The following DGKG variants were observed in gnomAD, a reference collection of about 807,000 sequenced individuals.
DGKG encodes the protein diacylglycerol kinase gamma.
In DGKG, 78 loss-of-function variants were observed where a neutral mutation model predicts 105.3. That is an observed-to-expected ratio of 0.74 (90% CI 0.62 to 0.89). The LOEUF (loss-of-function observed/expected upper bound fraction) is 0.89. DGKG is among the 40% of genes least tolerant of loss of function. The pLI is 0.00. For synonymous variants in DGKG, 346 were observed against 367.1 expected (o/e 0.94, Z 0.66); for missense variants, 958 against 1,020.1 (o/e 0.94, Z 0.83).
intron 21 of DGKG, among the ~76,000 whole-genome samples, chr3:186,197,085 G>A (rs1357676752): frequency 6.6e-6 from 1 of 152,160 alleles, no homozygotes; most frequent in Non-Finnish European, 1.5e-5. Flanking sequence ...TGAACAGAGT[G>A]CTGGGACATT....
At chr3:186,251,950 C>T (rs1721248293) in intron 18 of DGKG, 31 bp from the exon 19 acceptor site, 3 of 1,520,276 alleles carry the variant, frequency 2.0e-6, no homozygotes, top group Non-Finnish European at 2.6e-6. Flanking sequence ...TTTGCCACCA[C>T]AGCAGAAAGG....
chr3:186,306,171 A>G lies in DGKG; in HGVS notation c.144+730T>C, dbSNP rs547839298. ...AGACTGATGCAAGGCATTTCAAGAA[A>G]GTAGGAAAAAGAGAATTTGGAGGCA... On this transcript the variant is annotated intron_variant, in intron 3 of 24. Coordinates refer to ENST00000265022, the MANE Select transcript of DGKG (RefSeq NM_001346.3). Among the ~76,000 whole-genome samples, 42 of 152,318 alleles carry G rather than the reference A, an allele frequency of 2.8e-4. No individual in the cohort carries two copies. In the South Asian group the frequency reaches 8.7e-3, roughly 32 times the overall value.
chr3:186,312,088 AGTCCG>A (rs762857930), intron 2 of DGKG, among the ~76,000 whole-genome samples: 1,047 of 101,082 alleles, frequency 0.01, 11 homozygotes, highest in Non-Finnish European at 0.014. Context: ...TGCAGTCCGC[AGTCCG>A]GCCTGGGCGA....
At chr3:186,205,029 G>A (rs915110555) in intron 21 of DGKG, among the ~76,000 whole-genome samples, 3 of 152,008 alleles carry the variant, frequency 2.0e-5, no homozygotes, top group Non-Finnish European at 4.4e-5. Flanking sequence ...GGCCAAAGTG[G>A]GCTGATCACT....
chr3:186,217,140 G>T (rs1297117418), intron 20 of DGKG, among the ~76,000 whole-genome samples: 4 of 152,180 alleles, frequency 2.6e-5, no homozygotes, highest in Non-Finnish European at 5.9e-5. Context: ...CAGGGGTAAG[G>T]GTGGGTCTAC....
At chr3:186,319,507 C>T (rs6798888) in intron 2 of DGKG, among the ~76,000 whole-genome samples, 10,322 of 152,204 alleles carry the variant, frequency 0.068, 1,147 homozygotes, top group African/African-American at 0.23. Context: ...TCATGATTTA[C>T]AGAAGCATCA....
At chr3:186,168,110 G>T (rs1716640743) in intron 22 of DGKG, among the ~76,000 whole-genome samples, 1 of 152,202 alleles carries the variant, frequency 6.6e-6, no homozygotes, top group Non-Finnish European at 1.5e-5. Flanking sequence ...CATGTGTGGG[G>T]CTGGAAAGTC....
intron 1 of DGKG, among the ~76,000 whole-genome samples, chr3:186,336,767 G>T (rs1476292788): frequency 6.6e-6 from 1 of 152,086 alleles, no homozygotes; most frequent in Non-Finnish European, 1.5e-5. Context: ...GGAGGAGGGA[G>T]AGGAAGAAGA....
At chr3:186,256,314 C>A (rs568842305) in intron 17 of DGKG, among the ~76,000 whole-genome samples, 1 of 152,188 alleles carries the variant, frequency 6.6e-6, no homozygotes, top group Admixed American at 6.5e-5. Flanking sequence ...CCCGGAGGCA[C>A]GGCTTTCTCT....
chr3:186,297,543 A>G, intron 4 of DGKG, 60 bp from the exon 5 acceptor site: 1 of 1,208,124 alleles, frequency 8.3e-7, no homozygotes, highest in Non-Finnish European at 1.2e-6. Context: ...TTGGAAGGGC[A>G]GGTACAGGAC....
chr3:186,328,496 A>C (rs1725450253), intron 1 of DGKG, among the ~76,000 whole-genome samples: 1 of 152,190 alleles, frequency 6.6e-6, no homozygotes, highest in African/African-American at 2.4e-5. Context: ...ATAACTCAAC[A>C]AATATTCATA....
intron 22 of DGKG, among the ~76,000 whole-genome samples, chr3:186,180,483 T>TCAGGG (rs1489561632): frequency 4.6e-5 from 7 of 152,188 alleles, no homozygotes; most frequent in Non-Finnish European, 1.0e-4. Flanking sequence ...GTCACCTGTC[T>TCAGGG]TGCTCTGTCT....
chr3:186,251,647 G>T (rs932085940), intron 19 of DGKG, 112 bp downstream of exon 19: 44 of 1,257,284 alleles, frequency 3.5e-5, no homozygotes, highest in Non-Finnish European at 4.6e-5. Flanking sequence ...CTCAGGGCTG[G>T]GGGGGCAGGT....
In DGKG at chr3:186,257,834, C is replaced by T. The variant is rs1243581738; in HGVS notation, c.1510+20G>A. 4 of 1,595,526 alleles carry T rather than the reference C, an allele frequency of 2.5e-6. No individual in the cohort carries two copies. Among genetic ancestry groups the T allele is most frequent in the Non-Finnish European group, 3.4e-6 (4 of 1,163,340 alleles). On this transcript the variant is annotated intron_variant, in intron 17 of 24. Coordinates refer to ENST00000265022, the MANE Select transcript of DGKG (RefSeq NM_001346.3). ...GCTTACTATAAATAAGCAGCAAACG[C>T]CCTCTCAGCCCATGCTTACCAATGC... is the stretch of plus-strand genomic sequence containing the variant.
At chr3:186,286,894 C>T (rs1461806234) in intron 6 of DGKG, among the ~76,000 whole-genome samples, 3 of 152,076 alleles carry the variant, frequency 2.0e-5, no homozygotes, top group South Asian at 2.1e-4. Flanking sequence ...AGTAGCTGGG[C>T]GTAGCGGCGG....
intron 1 of DGKG, among the ~76,000 whole-genome samples, chr3:186,354,082 A>G (rs976900988): frequency 2.0e-5 from 3 of 152,104 alleles, no homozygotes; most frequent in African/African-American, 7.2e-5. Context: ...ATCCTTGTTG[A>G]TGAGACTTTT....
At position 186,275,511 on chromosome 3, in the gene DGKG, T is replaced by C. The variant is rs746541700; in HGVS notation, c.910+36A>G. 2.6e-6 allele frequency: 4 copies of C among 1,558,298 alleles called. No individual in the cohort carries two copies. In the South Asian group the frequency reaches 4.4e-5, roughly 17 times the overall value. On this transcript the variant is annotated intron_variant, in intron 10 of 24. Transcript: ENST00000265022. ...ACCAACCATGCGCAGAGCAAGATAGTGCCTGGGGGAAGAGGTTTGAAGGAA... is the reference window on the plus strand; with the variant it reads ...ACCAACCATGCGCAGAGCAAGATAGCGCCTGGGGGAAGAGGTTTGAAGGAA...
intron 1 of DGKG, among the ~76,000 whole-genome samples, chr3:186,321,702 T>C (rs373041164): frequency 7.9e-5 from 12 of 151,908 alleles, no homozygotes; most frequent in African/African-American, 2.9e-4. Flanking sequence ...AGTTGGGAGG[T>C]ATATATGGAC....
intron 1 of DGKG, among the ~76,000 whole-genome samples, chr3:186,339,287 C>T (rs1010992435): frequency 2.6e-5 from 4 of 152,270 alleles, no homozygotes; most frequent in African/African-American, 9.6e-5. Flanking sequence ...TATCACAGAG[C>T]TTCCATAAAA....
Sources: gnomAD v4.1 joint callset for allele counts (sites outside exome capture counted in the v4.1 genomes callset) on GRCh38, gnomAD v4.1.1 for gene constraint, MANE v1.5 for transcripts, NCBI Gene and HGNC (gene_info 2026-07-23, HGNC 2026-07-21) for gene names.